Variants in NUP210L observed in about 807,000 individuals in gnomAD.
The protein encoded by NUP210L is nuclear pore membrane glycoprotein 210-like.
Under a neutral mutation model 208.5 loss-of-function variants are expected in NUP210L, and 74 were observed. That is an observed-to-expected ratio of 0.35 (90% CI 0.29 to 0.43). NUP210L has a LOEUF of 0.43. Among genes scored for constraint, NUP210L ranks in the 20% least tolerant of loss-of-function variants. The pLI is 1.00. For synonymous variants in NUP210L, 780 were observed against 816.9 expected, an observed-to-expected ratio of 0.95 and a Z score of 0.77; for missense variants, 1,843 against 2,289.4, an observed-to-expected ratio of 0.81 and a Z score of 3.98.
intron 2 of NUP210L, among the ~76,000 whole-genome samples, chr1:154,149,327 C>T (rs1659273166): frequency 6.6e-6 from 1 of 152,110 alleles, no homozygotes; most frequent in African/African-American, 2.4e-5. Context: ...CTCAGGTGAT[C>T]CACCCGCCTT....
At chr1:154,004,199 G>T (rs1458410847) in intron 35 of NUP210L, among the ~76,000 whole-genome samples, 11 of 151,290 alleles carry the variant, frequency 7.3e-5, no homozygotes, top group African/African-American at 2.2e-4. Flanking sequence ...CTCCCGAGTA[G>T]CTGGGACTAC....
intron 38 of NUP210L, among the ~76,000 whole-genome samples, chr1:153,994,608 G>A (rs1277508570): frequency 4.0e-5 from 6 of 151,560 alleles, no homozygotes; most frequent in Non-Finnish European, 5.9e-5. Context: ...CACCATGCCC[G>A]GCTGAGGGGG....
chr1:154,001,147 A>G, intron 36 of NUP210L, 87 bp from the exon 37 acceptor site: 4 of 1,041,760 alleles, frequency 3.8e-6, no homozygotes, highest in Non-Finnish European at 5.7e-6. Flanking sequence ...ATACAGTACA[A>G]TAATTGTCAA....
At chr1:154,100,093 T>C (rs1443469174) in exon 14 of NUP210L, 2 of 1,613,922 alleles carry the variant, frequency 1.2e-6, no homozygotes, top group African/African-American at 2.7e-5. Context: ...CCAAGAGATT[T>C]AGCTGCGATA....
chr1:153,999,642 C>T (rs1306922363), intron 37 of NUP210L, among the ~76,000 whole-genome samples: 6 of 134,806 alleles, frequency 4.5e-5, no homozygotes, highest in Admixed American at 3.3e-4. Context: ...GAGTCTGAGG[C>T]GGGAGAATCG....
At chr1:154,019,744 T>C (rs866855459) in intron 32 of NUP210L, among the ~76,000 whole-genome samples, 2 of 152,044 alleles carry the variant, frequency 1.3e-5, no homozygotes, top group East Asian at 1.9e-4. Flanking sequence ...CTGACCAACA[T>C]GGTGAAACCC....
intron 25 of NUP210L, among the ~76,000 whole-genome samples, chr1:154,052,967 C>T (rs909720372): frequency 1.3e-5 from 2 of 152,220 alleles, no homozygotes; most frequent in African/African-American, 4.8e-5. Context: ...TTCCTACTAT[C>T]TGGAAACATG....
chr1:154,060,950 C>T, exon 19 of NUP210L: 10 of 1,603,884 alleles, frequency 6.2e-6, no homozygotes, highest in Non-Finnish European at 8.5e-6. Context: ...ACCTTTACAT[C>T]AGGGTGGTTA....
exon 2 of NUP210L, chr1:154,152,825 T>C (rs374928890): frequency 3.1e-6 from 5 of 1,613,886 alleles, no homozygotes; most frequent in African/African-American, 2.7e-5. Flanking sequence ...CAAGGTGCCA[T>C]TTTCATATAA....
intron 27 of NUP210L, among the ~76,000 whole-genome samples, chr1:154,043,638 T>TA (rs1453545723): frequency 6.6e-6 from 1 of 150,644 alleles, no homozygotes; most frequent in East Asian, 1.9e-4. Context: ...CTTTTTTTTT[T>TA]TTTTTTGAGA....
chr1:154,030,721 T>C (rs771526978), intron 27 of NUP210L, among the ~76,000 whole-genome samples: 20 of 151,398 alleles, frequency 1.3e-4, no homozygotes, highest in Non-Finnish European at 2.8e-4. Flanking sequence ...AAGCACACTT[T>C]AAGTTGAAAC....
intron 2 of NUP210L, among the ~76,000 whole-genome samples, chr1:154,149,754 T>C (rs1659293375): frequency 6.6e-6 from 1 of 152,188 alleles, no homozygotes; most frequent in African/African-American, 2.4e-5. Flanking sequence ...TTTTGGATGA[T>C]TTACAAGTAA....
chr1:154,133,613 G>A (rs1157238627), intron 7 of NUP210L, among the ~76,000 whole-genome samples: 1 of 152,074 alleles, frequency 6.6e-6, no homozygotes, highest in East Asian at 1.9e-4. Context: ...GCCAAGGCAG[G>A]TGAATCGCTT....
intron 27 of NUP210L, among the ~76,000 whole-genome samples, chr1:154,045,041 T>C (rs180931714): frequency 1.6e-3 from 250 of 152,274 alleles, no homozygotes; most frequent in African/African-American, 5.8e-3. Context: ...AGGTAGTGAA[T>C]TGGGAGGAGC....
chr1:154,083,079 G>A (rs1655432389), intron 16 of NUP210L, among the ~76,000 whole-genome samples: 1 of 152,186 alleles, frequency 6.6e-6, no homozygotes, highest in African/African-American at 2.4e-5. Flanking sequence ...GATTTACTGT[G>A]AAGACCAAAT....
Position 154,112,074 on chromosome 1 carries a change from C to A in NUP210L, c.1620+5651G>T, listed in dbSNP as rs540456940. ...TCCCGAGTAGCTGGGACTATAGGTGCGCACCACCATGCCTGACTAATTTTT... is the reference window on the plus strand; with the variant it reads ...TCCCGAGTAGCTGGGACTATAGGTGAGCACCACCATGCCTGACTAATTTTT... On this transcript the variant is annotated intron_variant, in intron 12 of 39. Coordinates refer to ENST00000368559, the Ensembl canonical transcript of NUP210L. Among the ~76,000 whole-genome samples, 2 of 151,330 alleles carry A rather than the reference C, an allele frequency of 1.3e-5. 1 individual carries two copies. Among genetic ancestry groups the A allele is most frequent in the African/African-American group, 4.9e-5 (2 of 40,696 alleles).
At chr1:154,040,121 C>G (rs1487558567) in intron 27 of NUP210L, 1 of 152,196 alleles carries the variant, frequency 6.6e-6, no homozygotes, top group Non-Finnish European at 1.5e-5. Context: ...CTCCTAGTCT[C>G]AAATGATCCT....
exon 25 of NUP210L, chr1:154,054,262 T>A: frequency 6.2e-7 from 1 of 1,614,202 alleles, no homozygotes; most frequent in Non-Finnish European, 8.5e-7. Context: ...AGTATCTTCA[T>A]TTACTGTCTG....
Position 154,143,683 on chromosome 1 carries a change from ATGAC to A in NUP210L, c.341-110_341-107del, listed in dbSNP as rs1393211764. 4.2e-6 allele frequency: 4 copies of A among 950,616 alleles called. No homozygotes were observed. In the Admixed American group the frequency reaches 8.2e-5, roughly 19 times the overall value. The allele number at this position is 950,616 out of a possible 1,614,324, so 58.9% of individuals were successfully genotyped here. On this transcript the variant is annotated intron_variant, in intron 2 of 39. Coordinates refer to ENST00000368559, the Ensembl canonical transcript of NUP210L. ...CTAAAGATTATGAAAAAGAAAGACT[ATGAC>A]TGCTGCTTTTACCTATGGAAGAAAA...
Sources: allele counts gnomAD v4.1 joint callset (sites outside exome capture counted in the v4.1 genomes callset), GRCh38; gene constraint gnomAD v4.1.1; transcripts MANE v1.5; gene names NCBI Gene and HGNC (gene_info 2026-07-23, HGNC 2026-07-21).